The following NEXN variants were observed in gnomAD, a reference collection of about 807,000 sequenced individuals.
NEXN encodes nexilin.
Under a neutral mutation model 92.6 loss-of-function variants are expected in NEXN, and 65 were observed. The ratio of observed to expected loss-of-function variants is 0.70; its 90% CI spans 0.57 to 0.86. The LOEUF (loss-of-function observed/expected upper bound fraction) is 0.86, where lower values mean the gene tolerates loss of function less well. Among genes scored for constraint, NEXN ranks in the 40% least tolerant of loss-of-function variants. The pLI is 0.00. For missense variants in NEXN, 778 were observed against 771.1 expected (o/e 1.01, Z -0.11); for synonymous variants, 254 against 242.5 (o/e 1.05, Z -0.44).
intron 1 of NEXN, among the ~76,000 whole-genome samples, chr1:77,899,273 G>C (rs7519680): frequency 7.0e-6 from 1 of 142,626 alleles, no homozygotes; most frequent in Admixed American, 6.9e-5. Context: ...GTCCAACAAT[G>C]ATAGACTGGA....
rs1651535235 is a variant in NEXN at position 77,943,060 on chromosome 1, TC to T, written c.*232del. 1 of 535,048 alleles carries T rather than the reference TC, an allele frequency of 1.9e-6. No homozygotes were observed. The highest frequency in any genetic ancestry group is 4.0e-5 in the East Asian group (1 of 24,966). 33.1% of individuals were successfully genotyped at this position (535,048 alleles called of 1,614,324 possible). A position where few individuals can be genotyped will look rare whatever the true frequency, so the allele number is the denominator to read the frequency against. ...TTCATAACAGTCTTCAAAGCACAGC[TC>T]ATCTAAAGAATGCCTACTTCTTTTC... is the stretch of plus-strand genomic sequence containing the variant. On this transcript the variant is annotated 3_prime_UTR_variant, in exon 13 of 13. Coordinates refer to ENST00000334785, the MANE Select transcript of NEXN (RefSeq NM_144573.4).
At chr1:77,935,282 C>T (rs961983768) in intron 10 of NEXN, among the ~76,000 whole-genome samples, 9 of 152,178 alleles carry the variant, frequency 5.9e-5, no homozygotes, top group African/African-American at 2.2e-4. Flanking sequence ...AGGTGATCTG[C>T]CTACCTTGGC....
chr1:77,890,573 A>G (rs1311849463), intron 1 of NEXN, among the ~76,000 whole-genome samples: 1 of 152,126 alleles, frequency 6.6e-6, no homozygotes, highest in Non-Finnish European at 1.5e-5. Flanking sequence ...TTCCCCTGAA[A>G]TTTCACTTGA....
chr1:77,890,634 A>G (rs1462126468), intron 1 of NEXN, among the ~76,000 whole-genome samples: 1 of 152,170 alleles, frequency 6.6e-6, no homozygotes, highest in Non-Finnish European at 1.5e-5. Flanking sequence ...CTAAATATGC[A>G]TATTTGGAAG....
At chr1:77,905,165 G>C (rs1178904735) in intron 1 of NEXN, among the ~76,000 whole-genome samples, 1 of 152,130 alleles carries the variant, frequency 6.6e-6, no homozygotes, top group African/African-American at 2.4e-5. Flanking sequence ...AGGATGCTGA[G>C]GCAGGAGAAT....
At chr1:77,904,023 T>G (rs1647918814) in intron 1 of NEXN, among the ~76,000 whole-genome samples, 1 of 152,264 alleles carries the variant, frequency 6.6e-6, no homozygotes, top group Middle Eastern at 3.4e-3. Context: ...GACAGAGTCT[T>G]ACTCTGTCAC....
At chr1:77,895,694 T>A (rs1044974291) in intron 1 of NEXN, among the ~76,000 whole-genome samples, 1 of 152,082 alleles carries the variant, frequency 6.6e-6, no homozygotes, top group African/African-American at 2.4e-5. Context: ...TGAAACCCCA[T>A]CTCTGCTAAA....
chr1:77,909,126 A>C (rs1405087102), intron 1 of NEXN, among the ~76,000 whole-genome samples: 1 of 152,162 alleles, frequency 6.6e-6, no homozygotes, highest in Non-Finnish European at 1.5e-5. Flanking sequence ...TGGTTATATA[A>C]GAAGAAATAT....
chr1:77,890,491 G>A (rs1232369847), intron 1 of NEXN, among the ~76,000 whole-genome samples: 2 of 152,120 alleles, frequency 1.3e-5, no homozygotes, highest in African/African-American at 2.4e-5. Context: ...TTGTCAAAAT[G>A]TATGTCATCT....
chr1:77,936,930 C>T (rs934540150), intron 11 of NEXN, among the ~76,000 whole-genome samples: 1 of 152,142 alleles, frequency 6.6e-6, no homozygotes, highest in Non-Finnish European at 1.5e-5. Context: ...TTGAGGCATG[C>T]ACGAGTGCGA....
chr1:77,928,054 A>G (rs1296146016), intron 8 of NEXN, among the ~76,000 whole-genome samples: 2 of 152,120 alleles, frequency 1.3e-5, no homozygotes, highest in Admixed American at 1.3e-4. Flanking sequence ...CATGCCTGTA[A>G]TCTCAGCACT....
At chr1:77,891,798 C>T (rs1226306801) in intron 1 of NEXN, among the ~76,000 whole-genome samples, 3 of 148,226 alleles carry the variant, frequency 2.0e-5, no homozygotes, top group Non-Finnish European at 4.5e-5. Flanking sequence ...ACTTTTGGGG[C>T]TGGGTGTGGT....
intron 1 of NEXN, among the ~76,000 whole-genome samples, chr1:77,900,251 T>C (rs144646099): frequency 1.5e-3 from 223 of 152,272 alleles, no homozygotes; most frequent in African/African-American, 5.2e-3. Flanking sequence ...CTTTTCCACT[T>C]TGTGAAATTC....
intron 1 of NEXN, among the ~76,000 whole-genome samples, chr1:77,895,292 G>A (rs549482175): frequency 4.0e-5 from 6 of 151,898 alleles, no homozygotes; most frequent in African/African-American, 1.2e-4. Flanking sequence ...TGATCCGCCC[G>A]CCTTGGCCTC....
chr1:77,920,903 C>T (rs1649372033), intron 5 of NEXN, among the ~76,000 whole-genome samples: 1 of 152,080 alleles, frequency 6.6e-6, no homozygotes, highest in African/African-American at 2.4e-5. Context: ...TAGGAAGTAG[C>T]TCTTCAATAT....
intron 10 of NEXN, 141 bp downstream of exon 10, chr1:77,933,620 G>C (rs531543422): frequency 7.3e-6 from 5 of 680,646 alleles, no homozygotes; most frequent in Non-Finnish European, 1.3e-5. Flanking sequence ...TGGTACAGGC[G>C]TCTGCACAAT....
intron 1 of NEXN, among the ~76,000 whole-genome samples, chr1:77,901,541 C>T (rs1647711014): frequency 6.6e-6 from 1 of 152,152 alleles, no homozygotes; most frequent in East Asian, 1.9e-4. Flanking sequence ...TTTTCTCTCT[C>T]ATCTTATTCT....
chr1:77,906,923 C>G (rs935414416), intron 1 of NEXN, among the ~76,000 whole-genome samples: 1 of 152,020 alleles, frequency 6.6e-6, no homozygotes, highest in African/African-American at 2.4e-5. Flanking sequence ...GCCTGGATAA[C>G]AAGTGTGAGC....
rs1454416504 is a variant in NEXN, at chr1:77,934,911, T to C, written c.1252-912T>C. Reference sequence around the variant, plus strand: ...TTGAGTATTAAGAGTGATGTTTACTTTGTAAGACTACCATAAAATCAAAAG... The same window carrying C: ...TTGAGTATTAAGAGTGATGTTTACTCTGTAAGACTACCATAAAATCAAAAG... On this transcript the variant is annotated intron_variant, in intron 10 of 12. Transcript: ENST00000334785. Among the ~76,000 whole-genome samples, 6 of 152,350 alleles carry C rather than the reference T, an allele frequency of 3.9e-5. No individual in the cohort carries two copies. The East Asian group carries it at 9.6e-4, about 24-fold the overall frequency.
Sources: gnomAD v4.1 joint callset for allele counts (sites outside exome capture counted in the v4.1 genomes callset) on GRCh38, gnomAD v4.1.1 for gene constraint, MANE v1.5 for transcripts, NCBI Gene and HGNC (gene_info 2026-07-23, HGNC 2026-07-21) for gene names.